AP3B1: variants seen among roughly 807,000 people sequenced by gnomAD.
AP3B1 encodes the protein adaptor related protein complex 3 subunit beta 1, also known as AP-3 complex subunit beta-1.
AP3B1 carries 61 observed loss-of-function variants against 132.5 expected under a neutral mutation model. The ratio of observed to expected loss-of-function variants is 0.46; its 90% CI spans 0.37 to 0.57. The LOEUF is 0.57. Ranked by LOEUF, AP3B1 falls within the 20% of genes least tolerant of loss-of-function variation. The pLI is 0.00. For synonymous variants in AP3B1, 388 were observed against 438.3 expected (o/e 0.89, Z 1.43); for missense variants, 1,120 against 1,289.4 (o/e 0.87, Z 2.01).
At chr5:78,155,045 G>A (rs1004346713) in intron 14 of AP3B1, among the ~76,000 whole-genome samples, 9 of 152,252 alleles carry the variant, frequency 5.9e-5, no homozygotes, top group African/African-American at 1.9e-4. Context: ...ATTGAAGTTA[G>A]GTATTTATTG....
intron 17 of AP3B1, among the ~76,000 whole-genome samples, chr5:78,118,689 A>C (rs1561419417): frequency 6.6e-6 from 1 of 151,884 alleles, no homozygotes; most frequent in Non-Finnish European, 1.5e-5. Context: ...CTCGAACTGG[A>C]TGGAGCCCAC....
intron 14 of AP3B1, among the ~76,000 whole-genome samples, chr5:78,151,852 CCCCTTCCCCTCCCCCTCCTCTCCCCAT>C (rs1753669223): frequency 1.3e-5 from 1 of 74,762 alleles, no homozygotes; most frequent in Non-Finnish European, 2.7e-5. Flanking sequence ...CCTTCCCCTC[CCCCTTCCCCTCCCCCTCCTCTCCCCAT>C]CCCTCCTCTC....
At chr5:78,030,312 A>AT (rs1747521774) in intron 24 of AP3B1, among the ~76,000 whole-genome samples, 1 of 152,134 alleles carries the variant, frequency 6.6e-6, no homozygotes, top group Non-Finnish European at 1.5e-5. Context: ...TCTGTCTCAG[A>AT]TTTAAGAAAA....
intron 7 of AP3B1, among the ~76,000 whole-genome samples, chr5:78,202,723 TATA>T (rs746810172): frequency 4.6e-5 from 7 of 152,162 alleles, no homozygotes; most frequent in Non-Finnish European, 8.8e-5. Flanking sequence ...TAATACTTCA[TATA>T]ATGAAAAGGG....
intron 22 of AP3B1, among the ~76,000 whole-genome samples, chr5:78,063,913 T>C (rs1477348439): frequency 6.6e-6 from 1 of 152,036 alleles, no homozygotes; most frequent in African/African-American, 2.4e-5. Context: ...AAGTTGAAAA[T>C]GACACTTGTC....
At chr5:78,274,736 C>T (rs1696562774) in intron 1 of AP3B1, among the ~76,000 whole-genome samples, 1 of 152,044 alleles carries the variant, frequency 6.6e-6, no homozygotes, top group Admixed American at 6.6e-5. Context: ...CTGGGCACAA[C>T]ATAGTGAGGC....
intron 22 of AP3B1, among the ~76,000 whole-genome samples, chr5:78,074,946 T>A (rs541648823): frequency 6.6e-6 from 1 of 152,176 alleles, no homozygotes; most frequent in South Asian, 2.1e-4. Flanking sequence ...AAAAAAAAGA[T>A]GATTCTTCTA....
intron 7 of AP3B1, among the ~76,000 whole-genome samples, chr5:78,189,282 T>TA (rs1744728960): frequency 6.6e-6 from 1 of 152,152 alleles, no homozygotes; most frequent in African/African-American, 2.4e-5. Flanking sequence ...TAAATGTTTC[T>TA]ATAGTGTCCT....
At chr5:78,116,067 GA>G (rs1751810765) in intron 18 of AP3B1, 58 bp downstream of exon 18, 1 of 1,269,238 alleles carries the variant, frequency 7.9e-7, no homozygotes, top group African/African-American at 1.5e-5. Context: ...CCTTGTTTCT[GA>G]GATATAGAAT....
In AP3B1 at chr5:78,002,622, C is replaced by A; in HGVS notation, c.*280G>T. On this transcript the variant is annotated 3_prime_UTR_variant, in exon 27 of 27. Transcript: ENST00000255194. ...GAAAAAGAGAAGGAAAACGAGGAGG[C>A]CAAAAGAAGCAGCAGGACAGAGAAA... 1 of 576,456 alleles carries A rather than the reference C, an allele frequency of 1.7e-6. No individual in the cohort carries two copies. The highest frequency in any genetic ancestry group is 2.8e-5 in the East Asian group (1 of 35,624). 35.7% of individuals were successfully genotyped at this position (576,456 alleles called of 1,614,324 possible). A position where few individuals can be genotyped will look rare whatever the true frequency, so the allele number is the denominator to read the frequency against.
chr5:78,149,256 C>A lies in AP3B1; in HGVS notation c.1473+7002G>T, dbSNP rs368104304. Among the ~76,000 whole-genome samples, 31 of 152,246 alleles carry A rather than the reference C, an allele frequency of 2.0e-4. No individual in the cohort carries two copies. The East Asian group carries it at 4.6e-3, about 23-fold the overall frequency. ...ATAGATTATAAATGGAAGTGAGATA[C>A]AACATAATGCACTGGTTAAGAAAGC... On this transcript the variant is annotated intron_variant, in intron 14 of 26. Coordinates refer to ENST00000255194, the MANE Select transcript of AP3B1 (RefSeq NM_003664.5).
intron 4 of AP3B1, among the ~76,000 whole-genome samples, chr5:78,227,880 T>A (rs1261384017): frequency 6.6e-6 from 1 of 152,174 alleles, no homozygotes; most frequent in East Asian, 1.9e-4. Flanking sequence ...CAACAACTAG[T>A]ATAATGATAA....
chr5:78,067,517 G>T (rs369975181), intron 22 of AP3B1, among the ~76,000 whole-genome samples: 1 of 152,124 alleles, frequency 6.6e-6, no homozygotes, highest in African/African-American at 2.4e-5. Context: ...TCACATCATC[G>T]GAAGTAAAAC....
chr5:78,069,513 A>G (rs1015974352), intron 22 of AP3B1, among the ~76,000 whole-genome samples: 1 of 152,212 alleles, frequency 6.6e-6, no homozygotes, highest in Non-Finnish European at 1.5e-5. Flanking sequence ...TGCTACAAAG[A>G]GAGTAAAATA....
chr5:78,216,138 C>T lies in AP3B1; in HGVS notation c.703G>A (p.Asp235Asn). 6.2e-7 allele frequency: 1 copy of T among 1,614,044 alleles called. No homozygotes were observed. The highest frequency in any genetic ancestry group is 1.3e-5 in the African/African-American group (1 of 75,042). ...NYRKLCNLLV[D>N]VEEWGQVVII... ...ACAACCTGCCCCCACTCTTCAACAT[C>T]CACTAGTAAGTTACATAGCTTGCGG... The change falls in exon 7 of 27, where the codon GAT becomes AAT. Residue 235 changes from aspartate (D) to asparagine (N), a missense_variant. Coordinates refer to ENST00000255194, the MANE Select transcript of AP3B1 (RefSeq NM_003664.5).
chr5:78,100,445 G>A (rs1751081456), intron 21 of AP3B1, among the ~76,000 whole-genome samples: 1 of 152,148 alleles, frequency 6.6e-6, no homozygotes. Context: ...TCTTAGATTT[G>A]CTGGGACAAA....
intron 1 of AP3B1, among the ~76,000 whole-genome samples, chr5:78,271,307 G>A (rs1748536261): frequency 6.6e-6 from 1 of 152,164 alleles, no homozygotes; most frequent in Non-Finnish European, 1.5e-5. Context: ...TGTAATCCCA[G>A]CTATTCAGGA....
chr5:78,103,229 G>A (rs976209541), intron 20 of AP3B1, among the ~76,000 whole-genome samples: 8 of 152,230 alleles, frequency 5.3e-5, no homozygotes, highest in African/African-American at 1.9e-4. Context: ...TCTAAACGAA[G>A]AAGTTAAGAG....
rs1226593714 is a variant in AP3B1, at chr5:78,097,849, G to A, written c.2470+3104C>T. ...TGTGGAATAGAAAGCGGGGAAAGGT[G>A]GGGAAAAGATTGAGAAATCGGATGG... On this transcript the variant is annotated intron_variant, in intron 21 of 26. Transcript: ENST00000255194. Among the ~76,000 whole-genome samples the A allele has an allele frequency of 5.9e-5, 9 of 152,330 alleles. No individual in the cohort carries two copies. In the South Asian group the frequency reaches 1.9e-3, roughly 32 times the overall value.
Sources: gnomAD v4.1 joint callset for allele counts (sites outside exome capture counted in the v4.1 genomes callset) on GRCh38, gnomAD v4.1.1 for gene constraint, MANE v1.5 for transcripts, NCBI Gene and HGNC (gene_info 2026-07-23, HGNC 2026-07-21) for gene names.